Variants in RPS6KA5 observed in about 807,000 individuals in gnomAD.
RPS6KA5 encodes ribosomal protein S6 kinase A5.
RPS6KA5 carries 27 observed loss-of-function variants against 85.5 expected under a neutral mutation model. The ratio of observed to expected loss-of-function variants is 0.32; its 90% CI spans 0.23 to 0.44. The LOEUF (loss-of-function observed/expected upper bound fraction) is 0.44, where lower values mean the gene tolerates loss of function less well. Among genes scored for constraint, RPS6KA5 ranks in the 20% least tolerant of loss-of-function variants. The pLI is 1.00. For missense variants in RPS6KA5, 811 were observed against 980.9 expected, an observed-to-expected ratio of 0.83 and a Z score of 2.31; for synonymous variants, 334 against 348.2, an observed-to-expected ratio of 0.96 and a Z score of 0.46.
Position 90,869,741 on chromosome 14 carries a change from T to A in RPS6KA5, c.*2333A>T, listed in dbSNP as rs2032981706. ...TTTTAAAGTGCAATTCACTGTATGTTAATACACAGCCTGCATAGGACCTAA... is the reference window on the plus strand; with the variant it reads ...TTTTAAAGTGCAATTCACTGTATGTAAATACACAGCCTGCATAGGACCTAA... On this transcript the variant is annotated 3_prime_UTR_variant, in exon 17 of 17. Coordinates refer to ENST00000614987, the MANE Select transcript of RPS6KA5 (RefSeq NM_004755.4). 6.6e-6 allele frequency: 1 copy of A among 152,230 alleles called. No individual in the cohort carries two copies. The highest frequency in any genetic ancestry group is 1.5e-5 in the Non-Finnish European group (1 of 68,042). 9.4% of individuals were successfully genotyped at this position (152,230 alleles called of 1,614,324 possible).
At chr14:91,039,318 T>A (rs564238879) in intron 1 of RPS6KA5, among the ~76,000 whole-genome samples, 1 of 152,106 alleles carries the variant, frequency 6.6e-6, no homozygotes, top group Non-Finnish European at 1.5e-5. Flanking sequence ...ATAATAAATG[T>A]CTTAGCCTGG....
intron 1 of RPS6KA5, among the ~76,000 whole-genome samples, chr14:91,035,847 CAAAAAAAAAAAAAAAAA>C (rs199625173): frequency 4.7e-4 from 33 of 69,904 alleles, no homozygotes; most frequent in South Asian, 3.2e-3. Flanking sequence ...CCCTCACCTT[CAAAAAAAAAAAAAAAAA>C]AAAAAAAAAA....
At chr14:90,973,973 G>C (rs979518973) in intron 3 of RPS6KA5, among the ~76,000 whole-genome samples, 1 of 147,374 alleles carries the variant, frequency 6.8e-6, no homozygotes, top group Non-Finnish European at 1.5e-5. Context: ...AGGAGGTGGA[G>C]GCTGCAGTGG....
At chr14:90,891,759 A>G (rs2034574263) in intron 13 of RPS6KA5, among the ~76,000 whole-genome samples, 1 of 152,204 alleles carries the variant, frequency 6.6e-6, no homozygotes, top group Non-Finnish European at 1.5e-5. Context: ...ATTTTCTAGC[A>G]TACATTGTTT....
At chr14:90,995,531 C>G (rs1003307883) in intron 2 of RPS6KA5, among the ~76,000 whole-genome samples, 1 of 152,136 alleles carries the variant, frequency 6.6e-6, no homozygotes, top group Admixed American at 6.5e-5. Context: ...TAGAAGCTGT[C>G]TCCTATATAT....
intron 5 of RPS6KA5, among the ~76,000 whole-genome samples, chr14:90,925,941 C>CAAAAAAAAAAAAAAAAA (rs71117389): frequency 2.0e-4 from 15 of 73,510 alleles, no homozygotes; most frequent in South Asian, 5.0e-4. Context: ...GACCCTGACT[C>CAAAAAAAAAAAAAAAAA]AAAAAAAAAA....
chr14:90,927,845 T>C (rs1415787382), intron 5 of RPS6KA5, among the ~76,000 whole-genome samples: 1 of 152,064 alleles, frequency 6.6e-6, no homozygotes, highest in East Asian at 1.9e-4. Flanking sequence ...ATGATATTCA[T>C]GAAAATATAC....
intron 1 of RPS6KA5, among the ~76,000 whole-genome samples, chr14:91,005,543 T>A: frequency 6.6e-6 from 1 of 151,656 alleles, no homozygotes; most frequent in South Asian, 2.1e-4. Flanking sequence ...ATTATAAAGA[T>A]TTTTTTCACT....
rs2032630334 is a variant in RPS6KA5, at chr14:90,862,937, G to A, written c.*9137C>T. On this transcript the variant is annotated 3_prime_UTR_variant, in exon 17 of 17. Coordinates refer to ENST00000614987, the MANE Select transcript of RPS6KA5 (RefSeq NM_004755.4). ...GATTATCTCAACAGAGGCAGAAAAAGCATTTAGTAAAAACTCTCTGAAAAT... is the reference window on the plus strand; with the variant it reads ...GATTATCTCAACAGAGGCAGAAAAAACATTTAGTAAAAACTCTCTGAAAAT... 1 of 151,794 alleles carries A rather than the reference G, an allele frequency of 6.6e-6. No individual in the cohort carries two copies. Among genetic ancestry groups the A allele is most frequent in the South Asian group, 2.1e-4 (1 of 4,820 alleles). 9.4% of individuals were successfully genotyped at this position (151,794 alleles called of 1,614,324 possible).
At chr14:91,012,973 A>G (rs2041323210) in intron 1 of RPS6KA5, among the ~76,000 whole-genome samples, 1 of 152,130 alleles carries the variant, frequency 6.6e-6, no homozygotes, top group Admixed American at 6.6e-5. Context: ...TATTAGGAAT[A>G]AGACCAGCAA....
At chr14:90,985,012 C>T (rs1294202893) in intron 2 of RPS6KA5, among the ~76,000 whole-genome samples, 1 of 151,760 alleles carries the variant, frequency 6.6e-6, no homozygotes, top group Admixed American at 6.6e-5. Flanking sequence ...ACGATCTTGG[C>T]TCACCACAAC....
At chr14:91,028,217 T>C (rs1421405933) in intron 1 of RPS6KA5, among the ~76,000 whole-genome samples, 1 of 152,086 alleles carries the variant, frequency 6.6e-6, no homozygotes, top group African/African-American at 2.4e-5. Flanking sequence ...CATAACACCC[T>C]TACAAAGAAA....
At chr14:90,914,699 C>A (rs1359182806) in intron 7 of RPS6KA5, among the ~76,000 whole-genome samples, 1 of 152,106 alleles carries the variant, frequency 6.6e-6, no homozygotes, top group African/African-American at 2.4e-5. Context: ...GTATGATTCA[C>A]CCCAACAGGT....
rs1280029955 is a variant in RPS6KA5, at chr14:90,866,137, G to A, written c.*5937C>T. 3 of 152,142 alleles carry A rather than the reference G, an allele frequency of 2.0e-5. No individual in the cohort carries two copies. The highest frequency in any genetic ancestry group is 1.3e-4 in the Admixed American group (2 of 15,264). 9.4% of individuals were successfully genotyped at this position (152,142 alleles called of 1,614,324 possible). A position where few individuals can be genotyped will look rare whatever the true frequency, so the allele number is the denominator to read the frequency against. ...ACACCATAGAAAAGCAGAAAAATAC[G>A]AGAAAAAGTGCATGTACGGAGTATG... On this transcript the variant is annotated 3_prime_UTR_variant, in exon 17 of 17. Coordinates refer to ENST00000614987, the MANE Select transcript of RPS6KA5 (RefSeq NM_004755.4).
At chr14:90,905,950 G>A (rs1161213965) in intron 8 of RPS6KA5, among the ~76,000 whole-genome samples, 199 bp downstream of exon 8, 1 of 152,060 alleles carries the variant, frequency 6.6e-6, no homozygotes, top group Non-Finnish European at 1.5e-5. Context: ...TACCATTAAT[G>A]TTTATACAAG....
chr14:90,994,561 ATT>A (rs935828871), intron 2 of RPS6KA5, among the ~76,000 whole-genome samples: 376 of 61,792 alleles, frequency 6.1e-3, no homozygotes, highest in African/African-American at 0.021. Flanking sequence ...GATGTTTGTG[ATT>A]TTTTTTTTTT....
chr14:90,884,985 G>C (rs142969510), intron 14 of RPS6KA5, among the ~76,000 whole-genome samples: 1 of 152,206 alleles, frequency 6.6e-6, no homozygotes, highest in Non-Finnish European at 1.5e-5. Flanking sequence ...GGGAACAGGG[G>C]CTCACACCTG....
chr14:91,059,370 A>G (rs1264347032), intron 1 of RPS6KA5, among the ~76,000 whole-genome samples: 1 of 151,814 alleles, frequency 6.6e-6, no homozygotes, highest in East Asian at 1.9e-4. Context: ...CCAATATGCC[A>G]AAGCAGCTCT....
chr14:90,897,327 T>C (rs1315067610), intron 12 of RPS6KA5, among the ~76,000 whole-genome samples: 1 of 152,206 alleles, frequency 6.6e-6, no homozygotes, highest in African/African-American at 2.4e-5. Context: ...GGCCTGATTT[T>C]GGACTTCTGA....
Sources: gnomAD v4.1 joint callset for allele counts (sites outside exome capture counted in the v4.1 genomes callset) on GRCh38, gnomAD v4.1.1 for gene constraint, MANE v1.5 for transcripts, NCBI Gene and HGNC (gene_info 2026-07-23, HGNC 2026-07-21) for gene names.